The following APP variants were observed in gnomAD, a reference collection of about 807,000 sequenced individuals.
APP encodes the protein amyloid-beta precursor protein.
A neutral mutation model predicts 101.4 loss-of-function variants in APP; 31 were observed. The observed-to-expected ratio is 0.31, with a 90% CI of 0.23 to 0.41. The LOEUF is 0.41. Ranked by LOEUF, APP falls within the 10% of genes least tolerant of loss-of-function variation. The pLI, the probability that APP is intolerant of heterozygous loss-of-function variation, is 1.00. For missense variants in APP, 839 were observed against 1,003.7 expected, an observed-to-expected ratio of 0.84 and a Z score of 2.22; for synonymous variants, 366 against 364.4, an observed-to-expected ratio of 1.00 and a Z score of -0.05.
At chr21:26,089,871 A>G (rs934212201) in intron 3 of APP, 72 bp downstream of exon 3, 32 of 1,607,174 alleles carry the variant, frequency 2.0e-5, no homozygotes, top group Non-Finnish European at 2.6e-5. Flanking sequence ...GTGACCTAAC[A>G]GGAGCATCCT....
intron 17 of APP, among the ~76,000 whole-genome samples, chr21:25,883,214 C>A (rs1380744942): frequency 6.6e-6 from 1 of 152,088 alleles, no homozygotes; most frequent in Non-Finnish European, 1.5e-5. Flanking sequence ...ACCAGCCTGG[C>A]CAACATGGTG....
At chr21:25,905,131 A>G in intron 14 of APP, 54 bp from the exon 15 acceptor site, 1 of 1,476,416 alleles carries the variant, frequency 6.8e-7, no homozygotes, top group Admixed American at 1.7e-5. Context: ...TCAAGATGGT[A>G]AGTCGTGGCT....
chr21:26,150,978 G>A (rs1601580926), intron 1 of APP, among the ~76,000 whole-genome samples: 1 of 152,036 alleles, frequency 6.6e-6, no homozygotes, highest in African/African-American at 2.4e-5. Flanking sequence ...AAAACTGGCC[G>A]ACTGACCACA....
At chr21:26,122,774 ATTT>A (rs1252988523) in intron 1 of APP, among the ~76,000 whole-genome samples, 2 of 151,672 alleles carry the variant, frequency 1.3e-5, no homozygotes, top group Admixed American at 6.6e-5. Flanking sequence ...TTTTAATAAA[ATTT>A]TTTATTTTAT....
chr21:25,974,785 A>C (rs2042163470), intron 11 of APP, among the ~76,000 whole-genome samples: 1 of 152,094 alleles, frequency 6.6e-6, no homozygotes, highest in South Asian at 2.1e-4. Flanking sequence ...TCACCACCTC[A>C]GGAATATTAA....
At chr21:26,072,114 A>C (rs968756042) in intron 3 of APP, among the ~76,000 whole-genome samples, 1 of 152,240 alleles carries the variant, frequency 6.6e-6, no homozygotes, top group African/African-American at 2.4e-5. Flanking sequence ...GGGGGAAAAC[A>C]GCTAATGGGT....
At chr21:26,109,030 G>A (rs1333641698) in intron 2 of APP, among the ~76,000 whole-genome samples, 1 of 152,198 alleles carries the variant, frequency 6.6e-6, no homozygotes, top group East Asian at 1.9e-4. Flanking sequence ...GGCGCCTAAT[G>A]TTGAAGAATC....
intron 2 of APP, among the ~76,000 whole-genome samples, chr21:26,104,724 ACAGT>A (rs2062141177): frequency 1.3e-5 from 2 of 152,230 alleles, no homozygotes; most frequent in Admixed American, 6.5e-5. Flanking sequence ...TAGATAATTC[ACAGT>A]CAAAGTTATG....
At chr21:26,115,886 A>ATTAT (rs1568993307) in intron 1 of APP, among the ~76,000 whole-genome samples, 10 of 152,238 alleles carry the variant, frequency 6.6e-5, no homozygotes, top group African/African-American at 2.4e-4. Flanking sequence ...TGGGAAATAT[A>ATTAT]ACCACTTAAC....
intron 3 of APP, among the ~76,000 whole-genome samples, chr21:26,070,523 G>C (rs2046630241): frequency 6.6e-6 from 1 of 152,068 alleles, no homozygotes; most frequent in African/African-American, 2.4e-5. Context: ...TAAGGTATCT[G>C]TCTACACCTG....
At chr21:25,982,248 C>A in intron 9 of APP, 96 bp downstream of exon 9, 8 of 1,338,700 alleles carry the variant, frequency 6.0e-6, no homozygotes, top group Non-Finnish European at 8.6e-6. Flanking sequence ...CTTTAAAGAT[C>A]TTGATAAAGC....
chr21:26,062,661 CAAATAAATAAAT>C (rs10529214), intron 3 of APP, among the ~76,000 whole-genome samples: 3 of 145,372 alleles, frequency 2.1e-5, no homozygotes, highest in South Asian at 2.3e-4. Flanking sequence ...GACTCTGTCT[CAAATAAATAAAT>C]AAATAAATAA....
At chr21:26,057,539 C>T (rs1032370416) in intron 3 of APP, among the ~76,000 whole-genome samples, 1 of 152,042 alleles carries the variant, frequency 6.6e-6, no homozygotes, top group Admixed American at 6.6e-5. Flanking sequence ...TGAACAAAAT[C>T]TGGGTCTGGC....
At chr21:25,903,129 T>G (rs77423996) in intron 15 of APP, among the ~76,000 whole-genome samples, 4,353 of 151,908 alleles carry the variant, frequency 0.029, 233 homozygotes, top group East Asian at 0.22. Context: ...CACTTTGGGA[T>G]GCCGAGGTGG....
At chr21:26,014,199 A>G (rs1333459619) in intron 6 of APP, among the ~76,000 whole-genome samples, 1 of 152,214 alleles carries the variant, frequency 6.6e-6, no homozygotes, top group African/African-American at 2.4e-5. Flanking sequence ...ATGTGAGTTC[A>G]TGTTCGGGTT....
intron 5 of APP, among the ~76,000 whole-genome samples, chr21:26,040,309 T>C (rs1202981344): frequency 1.3e-5 from 2 of 152,066 alleles, no homozygotes; most frequent in African/African-American, 4.8e-5. Flanking sequence ...TTAAAAATAT[T>C]GTACATTCTT....
chr21:26,042,354 CA>C (rs1186377715), intron 5 of APP, among the ~76,000 whole-genome samples: 2 of 152,210 alleles, frequency 1.3e-5, no homozygotes, highest in Non-Finnish European at 2.9e-5. Context: ...AATGTTTCAA[CA>C]TCACTAGCTA....
intron 13 of APP, among the ~76,000 whole-genome samples, chr21:25,932,854 T>TA (rs2040206215): frequency 1.3e-5 from 2 of 152,216 alleles, no homozygotes; most frequent in African/African-American, 4.8e-5. Context: ...TAACTACCTT[T>TA]TCTAAACATA....
At chr21:26,162,397 C>CT in intron 1 of APP, among the ~76,000 whole-genome samples, 1 of 146,504 alleles carries the variant, frequency 6.8e-6, no homozygotes, top group East Asian at 1.9e-4. Context: ...ATAACAAGTC[C>CT]TTTTTTAAGA....
Sources: allele counts gnomAD v4.1 joint callset (sites outside exome capture counted in the v4.1 genomes callset), GRCh38; gene constraint gnomAD v4.1.1; transcripts MANE v1.5; gene names NCBI Gene and HGNC (gene_info 2026-07-23, HGNC 2026-07-21).